The following COG5 variants were observed in gnomAD, a reference collection of about 807,000 sequenced individuals.
COG5 encodes component of oligomeric golgi complex 5.
COG5 carries 86 observed loss-of-function variants against 110.4 expected under a neutral mutation model. The observed-to-expected ratio is 0.78, with a 90% CI of 0.65 to 0.93. The LOEUF (loss-of-function observed/expected upper bound fraction) is 0.93. Ranked by LOEUF, COG5 falls within the 40% of genes least tolerant of loss-of-function variation. The probability of loss-of-function intolerance (pLI) is 0.00; values close to 1 mark genes in which losing one functional copy is unlikely to be tolerated. For synonymous variants in COG5, 360 were observed against 334.6 expected (o/e 1.08, Z -0.83); for missense variants, 1,077 against 987.0 (o/e 1.09, Z -1.22).
Position 107,474,458 on chromosome 7 carries a change from T to C in COG5, c.538+52779A>G. The stretch of plus-strand genomic sequence containing the variant: ...GCAAGTGTCTCAACAGCAATCAACG[T>C]TTTTGCTATCACTTTGGACAGATAT... On this transcript the variant is annotated intron_variant, in intron 6 of 21. Coordinates refer to ENST00000297135, the MANE Select transcript of COG5 (RefSeq NM_006348.5). This position sits in a 1 kb window ranked among gnomAD's most constrained non-coding sequence, Gnocchi z 5.7. The C allele has an allele frequency of 6.2e-7, 1 of 1,613,350 alleles. No individual in the cohort carries two copies. The highest frequency in any genetic ancestry group is 8.5e-7 in the Non-Finnish European group (1 of 1,179,532).
chr7:107,254,772 T>C (rs1802759740), intron 16 of COG5, among the ~76,000 whole-genome samples: 1 of 152,188 alleles, frequency 6.6e-6, no homozygotes, highest in African/African-American at 2.4e-5. Context: ...ATGAGTAATT[T>C]CTATTTTTAA....
chr7:107,281,934 C>T (rs67183972), intron 13 of COG5, among the ~76,000 whole-genome samples: 8,723 of 150,072 alleles, frequency 0.058, 290 homozygotes, highest in African/African-American at 0.08. Flanking sequence ...TTTTAAAATT[C>T]GGATTCTTAA....
At chr7:107,286,417 C>T (rs950417636) in intron 12 of COG5, among the ~76,000 whole-genome samples, 1 of 152,192 alleles carries the variant, frequency 6.6e-6, no homozygotes, top group Non-Finnish European at 1.5e-5. Context: ...GCCATCATTT[C>T]AAGGTGCTCT....
At chr7:107,455,897 G>A (rs181761988) in intron 6 of COG5, among the ~76,000 whole-genome samples, 19 of 151,780 alleles carry the variant, frequency 1.3e-4, no homozygotes, top group African/African-American at 4.1e-4. Context: ...GCGTTCAAGC[G>A]ATTCTTGTGC....
intron 10 of COG5, among the ~76,000 whole-genome samples, chr7:107,335,782 A>G (rs567045448): frequency 6.6e-6 from 1 of 152,326 alleles, no homozygotes; most frequent in East Asian, 1.9e-4. Flanking sequence ...GCAAAAAGAT[A>G]TTCTATGCAA....
chr7:107,277,712 A>T (rs922046135), intron 14 of COG5, among the ~76,000 whole-genome samples: 1 of 152,206 alleles, frequency 6.6e-6, no homozygotes, highest in African/African-American at 2.4e-5. Context: ...ATAAAGGTTA[A>T]TGATGGTAGT....
rs925548793 is a variant in COG5, at chr7:107,417,261, T to C, written c.539-4629A>G. Among the ~76,000 whole-genome samples the C allele has an allele frequency of 7.2e-5, 11 of 152,326 alleles. No homozygotes were observed. In the East Asian group the frequency reaches 1.9e-3, roughly 27 times the overall value. ...CCTTGATTGAGCTTAAAAGTAAATG[T>C]CTACTATATTCTTTTTAAATCTATC... On this transcript the variant is annotated intron_variant, in intron 6 of 21. Transcript: ENST00000297135.
intron 5 of COG5, among the ~76,000 whole-genome samples, chr7:107,531,934 G>A (rs186398184): frequency 1.1e-4 from 16 of 152,244 alleles, no homozygotes; most frequent in Non-Finnish European, 1.6e-4. Flanking sequence ...CCGAGCAGTC[G>A]TTGATAGCCT....
intron 6 of COG5, among the ~76,000 whole-genome samples, chr7:107,501,501 G>A (rs867671185): frequency 2.2e-4 from 33 of 151,840 alleles, no homozygotes; most frequent in African/African-American, 7.7e-4. Context: ...TAAAATGTAC[G>A]AAAAACAACA....
At chr7:107,300,563 G>A (rs1424901996) in intron 11 of COG5, among the ~76,000 whole-genome samples, 1 of 152,006 alleles carries the variant, frequency 6.6e-6, no homozygotes, top group Non-Finnish European at 1.5e-5. Context: ...AATTTTAAAA[G>A]AATACAATTT....
chr7:107,316,584 C>T (rs976986084), intron 11 of COG5, among the ~76,000 whole-genome samples: 1 of 141,636 alleles, frequency 7.1e-6, no homozygotes, highest in Non-Finnish European at 1.5e-5. Context: ...GAGGCCAGGG[C>T]GGGCGGATCA....
intron 7 of COG5, among the ~76,000 whole-genome samples, chr7:107,400,348 A>C (rs1485044176): frequency 6.6e-6 from 1 of 152,160 alleles, no homozygotes; most frequent in Non-Finnish European, 1.5e-5. Context: ...AATGCAAATT[A>C]ATCTATAAAG....
intron 6 of COG5, among the ~76,000 whole-genome samples, chr7:107,526,437 T>C (rs1027651358): frequency 3.3e-5 from 5 of 152,224 alleles, no homozygotes. Context: ...CATTAAACTC[T>C]TGACTGTCAA....
chr7:107,484,507 T>C (rs1299453522), intron 6 of COG5, among the ~76,000 whole-genome samples: 3 of 152,184 alleles, frequency 2.0e-5, no homozygotes, highest in African/African-American at 2.4e-5. Flanking sequence ...GTACAAACTA[T>C]TGGTACTAAG....
chr7:107,359,583 A>G (rs1355067410), intron 10 of COG5, among the ~76,000 whole-genome samples: 3 of 152,060 alleles, frequency 2.0e-5, no homozygotes, highest in Non-Finnish European at 4.4e-5. Flanking sequence ...TGCGGACTGG[A>G]GTGACAAGTT....
At chr7:107,351,369 C>T (rs913936136) in intron 10 of COG5, among the ~76,000 whole-genome samples, 8 of 152,212 alleles carry the variant, frequency 5.3e-5, no homozygotes, top group Non-Finnish European at 1.0e-4. Flanking sequence ...GAAGAAAACC[C>T]AGGCAATACC....
chr7:107,233,843 C>A (rs1403716553), intron 18 of COG5, among the ~76,000 whole-genome samples: 4 of 152,020 alleles, frequency 2.6e-5, no homozygotes. Context: ...TTGACTGACC[C>A]TCGAAAAACA....
At position 107,474,626 on chromosome 7, in the gene COG5, C is replaced by T. The variant is rs763508287; in HGVS notation, c.538+52611G>A. 8 of 1,610,494 alleles carry T rather than the reference C, an allele frequency of 5.0e-6. No individual in the cohort carries two copies. The highest frequency in any genetic ancestry group is 5.9e-6 in the Non-Finnish European group (7 of 1,177,846). ...TTTTTCAGTCTTCAAAGTGGAAATACCTGGGAAAACAAGACACTTTTATGT... is the reference window on the plus strand; with the variant it reads ...TTTTTCAGTCTTCAAAGTGGAAATATCTGGGAAAACAAGACACTTTTATGT... On this transcript the variant is annotated intron_variant, in intron 6 of 21. Coordinates refer to ENST00000297135, the MANE Select transcript of COG5 (RefSeq NM_006348.5). This position sits in a 1 kb window ranked among gnomAD's most constrained non-coding sequence, Gnocchi z 5.7.
chr7:107,302,663 A>G (rs1032007897), intron 11 of COG5, among the ~76,000 whole-genome samples: 1 of 152,312 alleles, frequency 6.6e-6, no homozygotes, highest in South Asian at 2.1e-4. Context: ...ACGGCATGCC[A>G]ATAATGCAAG....
Sources: gnomAD v4.1 joint callset for allele counts (sites outside exome capture counted in the v4.1 genomes callset) on GRCh38, gnomAD v4.1.1 for gene constraint, Gnocchi (gnomAD v3.1) non-coding constraint, MANE v1.5 for transcripts, NCBI Gene and HGNC (gene_info 2026-07-23, HGNC 2026-07-21) for gene names.